Variants in MTG2 observed in about 807,000 individuals in gnomAD.
MTG2 encodes the protein mitochondrial ribosome associated GTPase 2.
In MTG2, 23 loss-of-function variants were observed where a neutral mutation model predicts 28.6. The observed-to-expected ratio is 0.80, with a 90% CI of 0.58 to 1.14. The LOEUF is 1.14. Among genes scored for constraint, MTG2 ranks in the 50% most tolerant of loss-of-function variants. The pLI is 0.00. For missense variants in MTG2, 539 were observed against 552.0 expected (o/e 0.98, Z 0.24); for synonymous variants, 260 against 251.8 (o/e 1.03, Z -0.31).
intron 5 of MTG2, 126 bp from the exon 6 acceptor site, chr20:62,198,993 C>A: frequency 1.3e-6 from 2 of 1,536,628 alleles, no homozygotes; most frequent in South Asian, 2.4e-5. Flanking sequence ...CTGACTTGGT[C>A]GTGAGCATGA....
chr20:62,190,557 C>T lies in MTG2; in HGVS notation c.-5-2859C>T, dbSNP rs1294816216. 2.6e-5 allele frequency among the ~76,000 whole-genome samples: 4 copies of T among 152,182 alleles called. No individual in the cohort carries two copies. The South Asian group carries it at 6.2e-4, about 24-fold the overall frequency. Reference sequence around the variant, plus strand: ...CCATCTAGAATCTTTATTGCACCTTCGTTTCTGAAAGATATTTTCCCTGCG... The same window carrying T: ...CCATCTAGAATCTTTATTGCACCTTTGTTTCTGAAAGATATTTTCCCTGCG... On this transcript the variant is annotated intron_variant, in intron 1 of 6. Transcript: ENST00000370823.
chr20:62,191,336 C>T (rs1002599959), intron 1 of MTG2, among the ~76,000 whole-genome samples: 1 of 152,006 alleles, frequency 6.6e-6, no homozygotes, highest in Non-Finnish European at 1.5e-5. Context: ...GGCTGTCGGT[C>T]ATGGCCAGTC....
In MTG2 at chr20:62,201,215, C is replaced by G; in HGVS notation, c.*138C>G. On this transcript the variant is annotated 3_prime_UTR_variant, in exon 7 of 7. Coordinates refer to ENST00000370823, the MANE Select transcript of MTG2 (RefSeq NM_015666.4). ...TGGGTCTCTGGGCCCCGCCTGCTGG[C>G]CTGAGATGCCCTCATGTTGGGAAGC... The G allele has an allele frequency of 9.3e-7, 1 of 1,079,062 alleles. No individual in the cohort carries two copies. Among genetic ancestry groups the G allele is most frequent in the Non-Finnish European group, 1.3e-6 (1 of 775,012 alleles). 66.8% of individuals were successfully genotyped at this position (1,079,062 alleles called of 1,614,324 possible).
At chr20:62,191,604 G>C (rs1167986418) in intron 1 of MTG2, among the ~76,000 whole-genome samples, 1 of 152,164 alleles carries the variant, frequency 6.6e-6, no homozygotes, top group Non-Finnish European at 1.5e-5. Context: ...AGAGGGAGGC[G>C]TCCGAGGCAC....
chr20:62,197,942 G>T lies in MTG2; in HGVS notation c.443G>T (p.Arg148Leu). The change falls in exon 4 of 7, where the codon CGC becomes CTC. Residue 148 changes from arginine (R) to leucine (L), a missense_variant. Coordinates refer to ENST00000370823, the MANE Select transcript of MTG2 (RefSeq NM_015666.4). ...GGAGGGAGTAAAAACTGCTTCGGGC[G>T]CAGTGGCGCCGTCCTCTACATCCGG... ...EDGGSKNCFG[R>L]SGAVLYIRVP... 1 of 1,614,110 alleles carries T rather than the reference G, an allele frequency of 6.2e-7. No homozygotes were observed. Among genetic ancestry groups the T allele is most frequent in the Non-Finnish European group, 8.5e-7 (1 of 1,179,988 alleles).
At chr20:62,188,508 ATTTTTTTTT>A (rs1192106476) in intron 1 of MTG2, among the ~76,000 whole-genome samples, 4 of 89,724 alleles carry the variant, frequency 4.5e-5, no homozygotes, top group South Asian at 4.1e-4. Flanking sequence ...TAATCAGCTA[ATTTTTTTTT>A]TTTTTTTTTT....
At chr20:62,187,242 A>T (rs936068850) in intron 1 of MTG2, among the ~76,000 whole-genome samples, 1 of 152,172 alleles carries the variant, frequency 6.6e-6, no homozygotes, top group African/African-American at 2.4e-5. Flanking sequence ...GAACTGCTGG[A>T]TTCAATTGGG....
intron 1 of MTG2, among the ~76,000 whole-genome samples, chr20:62,185,560 C>G (rs1250922622): frequency 6.6e-6 from 1 of 151,994 alleles, no homozygotes; most frequent in East Asian, 1.9e-4. Context: ...TTGCTTGAAC[C>G]CAGGAGGCGA....
At chr20:62,190,083 T>A (rs2057926186) in intron 1 of MTG2, among the ~76,000 whole-genome samples, 1 of 152,248 alleles carries the variant, frequency 6.6e-6, no homozygotes, top group Admixed American at 6.5e-5. Context: ...ATTGTTGGGC[T>A]AGTTCTGAGC....
In MTG2 at chr20:62,198,772, C is replaced by G. The variant is rs762450102; in HGVS notation, c.607C>G (p.Pro203Ala). The G allele has an allele frequency of 6.2e-7, 1 of 1,614,162 alleles. No homozygotes were observed. Among genetic ancestry groups the G allele is most frequent in the East Asian group, 2.2e-5 (1 of 44,888 alleles). ...CTTCCTGGCCAACAACAACCGTGCC[C>G]CTGTGACCTGTACCCCTGGACAGCC... ...RFFLANNNRA[P>A]VTCTPGQPGQ... The change falls in exon 5 of 7, where the codon CCT becomes GCT. Residue 203 changes from proline (P) to alanine (A), a missense_variant. Transcript: ENST00000370823.
At chr20:62,192,976 G>A (rs2057989900) in intron 1 of MTG2, among the ~76,000 whole-genome samples, 1 of 152,224 alleles carries the variant, frequency 6.6e-6, no homozygotes, top group South Asian at 2.1e-4. Flanking sequence ...TAGCCGCTAT[G>A]CCCCATGTTT....
chr20:62,193,260 G>A (rs1431923542), intron 1 of MTG2, among the ~76,000 whole-genome samples, 156 bp from the exon 2 acceptor site: 1 of 152,204 alleles, frequency 6.6e-6, no homozygotes, highest in Non-Finnish European at 1.5e-5. Context: ...ACCCAGGGCC[G>A]AGAGGGTGAG....
At chr20:62,198,952 T>G (rs955770421) in intron 5 of MTG2, 100 bp downstream of exon 5, 15 of 1,556,094 alleles carry the variant, frequency 9.6e-6, no homozygotes, top group Non-Finnish European at 1.3e-5. Context: ...AGAACAGCTT[T>G]GCGACTCACC....
At position 62,197,952 on chromosome 20, in the gene MTG2, C is replaced by T. The variant is rs745784951; in HGVS notation, c.453C>T (p.Ala151=). Residue 151 remains alanine, a synonymous_variant, in exon 4 of 7, where the codon GCC becomes GCT. Coordinates refer to ENST00000370823, the MANE Select transcript of MTG2 (RefSeq NM_015666.4). ...GSKNCFGRSG[A]VLYIRVPVGT... is the part of the protein sequence containing the mutation. ...AAAACTGCTTCGGGCGCAGTGGCGC[C>T]GTCCTCTACATCCGGGTGAGCCGAG... 2.0e-5 allele frequency: 32 copies of T among 1,613,832 alleles called. No individual in the cohort carries two copies. Among genetic ancestry groups the T allele is most frequent in the African/African-American group, 4.0e-5 (3 of 74,940 alleles).
chr20:62,194,987 G>A (rs2058033495), intron 2 of MTG2, among the ~76,000 whole-genome samples: 1 of 152,220 alleles, frequency 6.6e-6, no homozygotes, highest in Admixed American at 6.5e-5. Flanking sequence ...ACGAGGTCAG[G>A]AGATCGAGAC....
intron 1 of MTG2, among the ~76,000 whole-genome samples, chr20:62,191,617 C>T (rs896490461): frequency 1.1e-4 from 16 of 152,156 alleles, no homozygotes; most frequent in Non-Finnish European, 2.4e-4. Flanking sequence ...CGAGGCACTG[C>T]GAGGGAGGAG....
chr20:62,184,765 G>A (rs551908977), intron 1 of MTG2, among the ~76,000 whole-genome samples: 37 of 152,300 alleles, frequency 2.4e-4, no homozygotes, highest in African/African-American at 7.9e-4. Flanking sequence ...AAGATAGCTC[G>A]GCATGCAGTA....
rs138156304 is a variant in MTG2 at position 62,198,713 on chromosome 20, C to T, written c.548C>T (p.Ala183Val). ...LSCVGDEYIAALGGAGGKGNR... is the reference protein window; with the variant it reads ...LSCVGDEYIAVLGGAGGKGNR... ...TGCGTGGGAGATGAGTACATTGCCG[C>T]GCTGGGCGGGGCAGGAGGGAAAGGC... Residue 183 changes from alanine to valine, a missense_variant, in exon 5 of 7, where the codon GCG becomes GTG. Physicochemically the swap from Ala to Val is moderately conservative, Grantham distance 64 (BLOSUM62 0). Coordinates refer to ENST00000370823, the MANE Select transcript of MTG2 (RefSeq NM_015666.4). The T allele has an allele frequency of 3.7e-5, 59 of 1,614,148 alleles. 1 individual carries two copies. In the African/African-American group the frequency reaches 6.5e-4, roughly 18 times the overall value.
At chr20:62,186,654 G>GA (rs2057855447) in intron 1 of MTG2, among the ~76,000 whole-genome samples, 1 of 150,578 alleles carries the variant, frequency 6.6e-6, no homozygotes, top group African/African-American at 2.4e-5. Flanking sequence ...TCAGCCTCCC[G>GA]AGTAGCCGGG....
Sources: allele counts gnomAD v4.1 joint callset (sites outside exome capture counted in the v4.1 genomes callset), GRCh38; gene constraint gnomAD v4.1.1; transcripts MANE v1.5; gene names NCBI Gene and HGNC (gene_info 2026-07-23, HGNC 2026-07-21).